Variants in SFI1 observed in about 807,000 individuals in gnomAD.
SFI1 encodes the protein SFI1 centrin binding protein.
SFI1 carries 195 observed loss-of-function variants against 207.5 expected under a neutral mutation model. The observed-to-expected ratio is 0.94, with a 90% confidence interval of 0.84 to 1.06. The LOEUF is 1.06. Among genes scored for constraint, SFI1 ranks in the 50% least tolerant of loss-of-function variants. The pLI, the probability that SFI1 is intolerant of heterozygous loss-of-function variation, is 0.00. For synonymous variants in SFI1, 630 were observed against 598.9 expected (o/e 1.05, Z -0.76); for missense variants, 1,634 against 1,588.0 (o/e 1.03, Z -0.49).
intron 26 of SFI1, 36 bp downstream of exon 26, chr22:31,613,566 G>T (rs745332987): frequency 8.9e-6 from 14 of 1,578,652 alleles, no homozygotes; most frequent in African/African-American, 1.3e-5. Context: ...GGAGCAGGCA[G>T]GGTGTGGCAT....
In SFI1 at chr22:31,589,509, A is replaced by C; in HGVS notation, c.1476A>C (p.Thr492=). Residue 492 remains threonine, a synonymous_variant, in exon 15 of 33, where the codon ACA becomes ACC. Coordinates refer to ENST00000400288, the MANE Select transcript of SFI1 (RefSeq NM_001007467.3). ...GAGCCCTGCCTGCTGCCTTCCACAC[A>C]TGGAACAGACTCTGGCGATGGCGCC... The part of the protein sequence containing the change: ...QQRALPAAFH[T]WNRLWRWRHQ... The C allele has an allele frequency of 6.2e-7, 1 of 1,614,040 alleles. No homozygotes were observed. Among genetic ancestry groups the C allele is most frequent in the South Asian group, 1.1e-5 (1 of 91,034 alleles).
intron 15 of SFI1, among the ~76,000 whole-genome samples, chr22:31,593,212 G>A (rs1484263484): frequency 2.0e-5 from 3 of 151,012 alleles, no homozygotes; most frequent in Non-Finnish European, 4.4e-5. Flanking sequence ...GGCGGCTGCC[G>A]GGCGGAGGGG....
chr22:31,618,007 T>C (rs1423797578), intron 31 of SFI1, 108 bp from the exon 32 acceptor site: 15 of 1,278,858 alleles, frequency 1.2e-5, no homozygotes, highest in Non-Finnish European at 1.5e-5. Context: ...AGACCACCTC[T>C]CTCCACCCGA....
chr22:31,612,682 A>G (rs2070561844), intron 24 of SFI1: 1 of 163,372 alleles, frequency 6.1e-6, no homozygotes, highest in Admixed American at 5.8e-5. Context: ...TGATCATGCC[A>G]CTGCACTTCA....
chr22:31,500,782 GTGTT>G (rs1043204834), intron 1 of SFI1, among the ~76,000 whole-genome samples: 21 of 149,272 alleles, frequency 1.4e-4, no homozygotes, highest in African/African-American at 5.2e-4. Flanking sequence ...TTGTGTGTGT[GTGTT>G]TGTTTTGTTT....
intron 15 of SFI1, among the ~76,000 whole-genome samples, chr22:31,599,412 C>T (rs574881550): frequency 6.6e-6 from 1 of 151,894 alleles, no homozygotes; most frequent in East Asian, 1.9e-4. Context: ...CTGCAATCTT[C>T]GCCTCCCAGG....
chr22:31,604,136 A>G (rs77605522), intron 18 of SFI1, among the ~76,000 whole-genome samples, 173 bp from the exon 19 acceptor site: 3,650 of 152,336 alleles, frequency 0.024, 127 homozygotes, highest in African/African-American at 0.083. Context: ...ACCGCAAATC[A>G]AGCACTTACC....
At chr22:31,610,223 TGAA>T (rs1002994728) in intron 22 of SFI1, among the ~76,000 whole-genome samples, 8 of 152,152 alleles carry the variant, frequency 5.3e-5, no homozygotes, top group Non-Finnish European at 1.0e-4. Context: ...TGCAGAGTGC[TGAA>T]GAAGTACAGG....
chr22:31,540,601 A>G (rs1444133909), intron 4 of SFI1, among the ~76,000 whole-genome samples: 4 of 143,152 alleles, frequency 2.8e-5, no homozygotes, highest in Non-Finnish European at 6.1e-5. Context: ...TTTTTTTTTA[A>G]ACAGAGTTTT....
chr22:31,583,288 T>C (rs1321816153), intron 12 of SFI1, among the ~76,000 whole-genome samples: 1 of 152,136 alleles, frequency 6.6e-6, no homozygotes, highest in Non-Finnish European at 1.5e-5. Flanking sequence ...TAATTTTGTA[T>C]TTTTAGTAGA....
intron 12 of SFI1, 72 bp from the exon 13 acceptor site, chr22:31,583,803 C>CTGT (rs1170670129): frequency 7.4e-7 from 1 of 1,343,178 alleles, no homozygotes; most frequent in East Asian, 2.3e-5. Context: ...AGCTCACAGT[C>CTGT]TGTTGGAGTA....
At chr22:31,515,063 C>CT (rs2056293899) in intron 2 of SFI1, among the ~76,000 whole-genome samples, 1 of 152,094 alleles carries the variant, frequency 6.6e-6, no homozygotes, top group African/African-American at 2.4e-5. Context: ...GCCACTGTGC[C>CT]GGGCTAACCA....
rs1414173544 is a variant in SFI1 at position 31,589,576 on chromosome 22, AG to A, written c.1544+1del. ...CAGTGCAAGAGCAACACGTTTCCAC[AG>A]GTATGTTGCGCAGCTCCTGTCTGCA... is the stretch of plus-strand genomic sequence containing the variant. ...VLSARATRFHRETLEKQVFSL... is the reference protein window; with the variant it reads ...VLSARATRFHXETLEKQVFSL... On this transcript the variant is annotated frameshift_variant and splice_region_variant, in exon 15 of 33. Transcript: ENST00000400288. LOFTEE classifies it high-confidence loss of function. 1 of 1,611,154 alleles carries A rather than the reference AG, an allele frequency of 6.2e-7. No homozygotes were observed. The highest frequency in any genetic ancestry group is 8.5e-7 in the Non-Finnish European group (1 of 1,179,242).
At chr22:31,597,924 A>C (rs1233788859) in intron 15 of SFI1, among the ~76,000 whole-genome samples, 1 of 152,146 alleles carries the variant, frequency 6.6e-6, no homozygotes, top group Non-Finnish European at 1.5e-5. Flanking sequence ...AATCGAGATA[A>C]AATGTGTATA....
At chr22:31,609,968 G>C (rs1259974613) in intron 22 of SFI1, among the ~76,000 whole-genome samples, 2 of 152,222 alleles carry the variant, frequency 1.3e-5, no homozygotes, top group Non-Finnish European at 2.9e-5. Context: ...GGAAGCCGCT[G>C]CTCTCTGAAG....
At chr22:31,513,009 T>C (rs758306475) in intron 2 of SFI1, among the ~76,000 whole-genome samples, 16 of 152,116 alleles carry the variant, frequency 1.1e-4, no homozygotes, top group Non-Finnish European at 1.9e-4. Flanking sequence ...TTAATACAGA[T>C]AGGGTTTCAC....
chr22:31,612,398 A>AAAAAAAATATATATATAT (rs1556369798), intron 24 of SFI1: 2 of 60,192 alleles, frequency 3.3e-5, no homozygotes, highest in African/African-American at 1.3e-4. Flanking sequence ...AAAAAAAAAA[A>AAAAAAAATATATATATAT]ATATATATAT....
intron 9 of SFI1, 34 bp from the exon 10 acceptor site, chr22:31,575,197 G>A: frequency 6.4e-7 from 1 of 1,570,812 alleles, no homozygotes; most frequent in Non-Finnish European, 8.6e-7. Flanking sequence ...TCTAACCTTA[G>A]GGGAGTAGCA....
intron 9 of SFI1, 100 bp from the exon 10 acceptor site, chr22:31,575,131 C>T (rs1242183499): frequency 5.0e-6 from 5 of 994,038 alleles, no homozygotes; most frequent in Admixed American, 2.5e-5. Context: ...TGGCCTTGAA[C>T]CCCTGCTCTC....
Sources: gnomAD v4.1 joint callset for allele counts (sites outside exome capture counted in the v4.1 genomes callset) on GRCh38, gnomAD v4.1.1 for gene constraint, MANE v1.5 for transcripts, NCBI Gene and HGNC (gene_info 2026-07-23, HGNC 2026-07-21) for gene names.